Variants in FMNL2 observed in about 807,000 individuals in gnomAD.
The protein encoded by FMNL2 is formin like 2, also known as formin-like protein 2.
Under a neutral mutation model 130.2 loss-of-function variants are expected in FMNL2, and 51 were observed. The observed-to-expected ratio is 0.39, with a 90% CI of 0.31 to 0.49. FMNL2 has a LOEUF of 0.49. Among genes scored for constraint, FMNL2 ranks in the 20% least tolerant of loss-of-function variants. FMNL2 has a pLI of 0.85. For synonymous variants in FMNL2, 465 were observed against 467.1 expected, an observed-to-expected ratio of 1.00 and a Z score of 0.06; for missense variants, 977 against 1,316.2, an observed-to-expected ratio of 0.74 and a Z score of 3.99.
chr2:152,344,878 G>T (rs922080999), intron 1 of FMNL2, among the ~76,000 whole-genome samples: 1 of 152,148 alleles, frequency 6.6e-6, no homozygotes, highest in African/African-American at 2.4e-5. Context: ...TATAATCAAG[G>T]CAAATTGGCA....
At chr2:152,548,108 G>T (rs566418802) in intron 3 of FMNL2, among the ~76,000 whole-genome samples, 15 of 152,300 alleles carry the variant, frequency 9.8e-5, no homozygotes, top group African/African-American at 3.6e-4. Flanking sequence ...ATTTTAACAG[G>T]CAAGGGAATG....
At chr2:152,522,757 C>G (rs1225411294) in intron 2 of FMNL2, among the ~76,000 whole-genome samples, 1 of 152,172 alleles carries the variant, frequency 6.6e-6, no homozygotes, top group Non-Finnish European at 1.5e-5. Flanking sequence ...AAATATCTTT[C>G]CTTTGAAAAT....
At chr2:152,621,455 A>T (rs897100839) in intron 15 of FMNL2, among the ~76,000 whole-genome samples, 1 of 152,154 alleles carries the variant, frequency 6.6e-6, no homozygotes, top group Non-Finnish European at 1.5e-5. Flanking sequence ...AATTGCCTCA[A>T]TATTTTAAGG....
chr2:152,589,959 A>ATG (rs1356424176), intron 9 of FMNL2, among the ~76,000 whole-genome samples: 14 of 12,918 alleles, frequency 1.1e-3, no homozygotes, highest in East Asian at 9.6e-3. Context: ...ATATATATAT[A>ATG]TATATATATA....
chr2:152,374,026 A>G (rs985854014), intron 1 of FMNL2, among the ~76,000 whole-genome samples: 10 of 152,150 alleles, frequency 6.6e-5, no homozygotes, highest in Non-Finnish European at 1.5e-4. Flanking sequence ...ATTTGAAACT[A>G]TGGTTGATCT....
At chr2:152,469,192 G>A (rs1689722368) in intron 1 of FMNL2, among the ~76,000 whole-genome samples, 1 of 152,116 alleles carries the variant, frequency 6.6e-6, no homozygotes, top group Non-Finnish European at 1.5e-5. Flanking sequence ...GCCTCCTCCT[G>A]GCTTCTTTTG....
At chr2:152,442,163 C>G (rs142464170) in intron 1 of FMNL2, among the ~76,000 whole-genome samples, 1 of 152,064 alleles carries the variant, frequency 6.6e-6, no homozygotes, top group Non-Finnish European at 1.5e-5. Flanking sequence ...ACCTCCTCAG[C>G]GTCACCTACT....
intron 1 of FMNL2, among the ~76,000 whole-genome samples, chr2:152,372,761 AT>A (rs1033506203): frequency 6.6e-6 from 1 of 152,230 alleles, no homozygotes; most frequent in Non-Finnish European, 1.5e-5. Context: ...GTGGATTGCT[AT>A]TAATTACAGC....
chr2:152,408,415 G>A lies in FMNL2; in HGVS notation c.117+72695G>A, dbSNP rs546066880. On this transcript the variant is annotated intron_variant, in intron 1 of 25. Transcript: ENST00000288670. ...TTAAAGCTTCCAGGGAGTGAGAATT[G>A]AAATTACAGTATCTGGGGCTTCATA... Among the ~76,000 whole-genome samples, 3 of 152,256 alleles carry A rather than the reference G, an allele frequency of 2.0e-5. 1 individual carries two copies. Among genetic ancestry groups the A allele is most frequent in the Admixed American group, 2.0e-4 (3 of 15,296 alleles).
At chr2:152,559,162 G>T (rs1695391563) in intron 5 of FMNL2, among the ~76,000 whole-genome samples, 1 of 152,188 alleles carries the variant, frequency 6.6e-6, no homozygotes, top group African/African-American at 2.4e-5. Flanking sequence ...ATGCAAAAGA[G>T]TGACTCCCTT....
At chr2:152,533,676 C>CACTG (rs1693833817) in intron 2 of FMNL2, among the ~76,000 whole-genome samples, 1 of 151,244 alleles carries the variant, frequency 6.6e-6, no homozygotes, top group Non-Finnish European at 1.5e-5. Context: ...GCAGAAGATG[C>CACTG]ACTGGCTCTG....
intron 1 of FMNL2, among the ~76,000 whole-genome samples, chr2:152,517,669 G>T (rs575464300): frequency 1.6e-3 from 240 of 152,270 alleles, no homozygotes; most frequent in African/African-American, 5.5e-3. Flanking sequence ...ACTCTTGGAT[G>T]ATCTAATTTA....
intron 1 of FMNL2, among the ~76,000 whole-genome samples, chr2:152,446,992 G>A (rs1688376510): frequency 6.6e-6 from 1 of 152,054 alleles, no homozygotes; most frequent in African/African-American, 2.4e-5. Context: ...ACTTTTCTGG[G>A]TGGCCCAGTT....
At chr2:152,506,511 G>T (rs944147728) in intron 1 of FMNL2, among the ~76,000 whole-genome samples, 1 of 152,144 alleles carries the variant, frequency 6.6e-6, no homozygotes, top group Admixed American at 6.6e-5. Flanking sequence ...GTCTGTACAT[G>T]TTCAGTACAG....
chr2:152,552,193 TAAAGG>T (rs1394718011), intron 4 of FMNL2, among the ~76,000 whole-genome samples: 5 of 152,242 alleles, frequency 3.3e-5, no homozygotes, highest in Non-Finnish European at 7.3e-5. Flanking sequence ...AAATTCCTAA[TAAAGG>T]GTCTGAAACA....
intron 21 of FMNL2, among the ~76,000 whole-genome samples, chr2:152,633,361 G>C (rs1682314211): frequency 6.6e-6 from 1 of 152,150 alleles, no homozygotes; most frequent in Non-Finnish European, 1.5e-5. Flanking sequence ...CTCCTAAAGT[G>C]CTGGGAGTAC....
At chr2:152,383,988 A>G (rs991443544) in intron 1 of FMNL2, among the ~76,000 whole-genome samples, 7 of 152,230 alleles carry the variant, frequency 4.6e-5, no homozygotes, top group Non-Finnish European at 7.3e-5. Context: ...GTACTGTAGG[A>G]ACTATGTCTA....
At chr2:152,563,048 C>G (rs1695622338) in intron 6 of FMNL2, among the ~76,000 whole-genome samples, 1 of 152,064 alleles carries the variant, frequency 6.6e-6, no homozygotes, top group South Asian at 2.1e-4. Context: ...GGGAAACTTC[C>G]CAGGTTCAGG....
chr2:152,415,693 T>C (rs766344680), intron 1 of FMNL2, among the ~76,000 whole-genome samples: 18 of 152,206 alleles, frequency 1.2e-4, no homozygotes, highest in Non-Finnish European at 2.2e-4. Flanking sequence ...ATTAAGTTTG[T>C]TCCAAATAAG....
Sources: allele counts gnomAD v4.1 joint callset (sites outside exome capture counted in the v4.1 genomes callset), GRCh38; gene constraint gnomAD v4.1.1; transcripts MANE v1.5; gene names NCBI Gene and HGNC (gene_info 2026-07-23, HGNC 2026-07-21).